Variants in IQCH observed in about 807,000 individuals in gnomAD.
IQCH encodes IQ domain-containing protein H.
A neutral mutation model predicts 117.0 loss-of-function variants in IQCH; 98 were observed. The observed-to-expected ratio is 0.84, with a 90% CI of 0.71 to 0.99. The LOEUF is 0.99. IQCH is among the 50% of genes least tolerant of loss of function. IQCH has a pLI of 0.00. For synonymous variants in IQCH, 412 were observed against 448.2 expected (o/e 0.92, Z 1.02); for missense variants, 1,102 against 1,243.8 (o/e 0.89, Z 1.72).
intron 4 of IQCH, among the ~76,000 whole-genome samples, chr15:67,335,161 T>C (rs758164034): frequency 2.0e-5 from 3 of 152,176 alleles, no homozygotes; most frequent in South Asian, 4.1e-4. Flanking sequence ...TTGATGCAAT[T>C]GAAAGAATTA....
At chr15:67,306,767 T>C (rs1967318853) in intron 4 of IQCH, 4 of 1,195,818 alleles carry the variant, frequency 3.3e-6, no homozygotes, top group African/African-American at 3.0e-5. Flanking sequence ...CACTGGTGAT[T>C]TTTTCAATAT....
At position 67,326,054 on chromosome 15, in the gene IQCH, T is replaced by C. The variant is rs184818363; in HGVS notation, c.388-10921T>C. Reference sequence around the variant, plus strand: ...CATGTGTGTGCGTGTGCCATGTTGGTGTGCTGCACCCATTAACTCGTCATT... The same window carrying C: ...CATGTGTGTGCGTGTGCCATGTTGGCGTGCTGCACCCATTAACTCGTCATT... On this transcript the variant is annotated intron_variant, in intron 4 of 20. Coordinates refer to ENST00000335894, the MANE Select transcript of IQCH (RefSeq NM_001031715.3). Among the ~76,000 whole-genome samples, 19 of 152,330 alleles carry C rather than the reference T, an allele frequency of 1.2e-4. No homozygotes were observed. In the East Asian group the frequency reaches 3.7e-3, roughly 29 times the overall value.
In IQCH at chr15:67,479,319, A is replaced by T. The variant is rs1217724013; in HGVS notation, c.2799+3501A>T. Among the ~76,000 whole-genome samples, 1 of 152,212 alleles carries T rather than the reference A, an allele frequency of 6.6e-6. No individual in the cohort carries two copies. Among genetic ancestry groups the T allele is most frequent in the East Asian group, 1.9e-4 (1 of 5,200 alleles). On this transcript the variant is annotated intron_variant, in intron 18 of 20. Coordinates refer to ENST00000335894, the MANE Select transcript of IQCH (RefSeq NM_001031715.3). This position sits in a 1 kb window ranked among gnomAD's most constrained non-coding sequence, Gnocchi z 4.6. ...ATTTTCCCAGGGTCATACAGCCAGGAATTTTGTGGAACTGACATTTGAACC... is the reference window on the plus strand; with the variant it reads ...ATTTTCCCAGGGTCATACAGCCAGGTATTTTGTGGAACTGACATTTGAACC...
Position 67,447,088 on chromosome 15 carries a change from G to A in IQCH, c.2506-18039G>A, listed in dbSNP as rs550194487. On this transcript the variant is annotated intron_variant, in intron 16 of 20. Coordinates refer to ENST00000335894, the MANE Select transcript of IQCH (RefSeq NM_001031715.3). This position sits in a 1 kb window ranked among gnomAD's most constrained non-coding sequence, Gnocchi z 5.3. ...TAGGCAAACCTGGATCTTTGTCCTC[G>A]CCCTGCCGCTGAGCTGTGGAACTTG... 2.6e-5 allele frequency among the ~76,000 whole-genome samples: 4 copies of A among 152,266 alleles called. No individual in the cohort carries two copies. The highest frequency in any genetic ancestry group is 4.2e-4 in the South Asian group (2 of 4,818).
intron 5 of IQCH, 93 bp downstream of exon 5, chr15:67,337,188 G>T: frequency 1.4e-6 from 2 of 1,418,354 alleles, no homozygotes; most frequent in Non-Finnish European, 1.9e-6. Flanking sequence ...CTCTGGCTCA[G>T]CCACTAATTC....
intron 13 of IQCH, among the ~76,000 whole-genome samples, chr15:67,397,978 C>T (rs1020090954): frequency 1.3e-5 from 2 of 152,054 alleles, no homozygotes; most frequent in African/African-American, 4.8e-5. Flanking sequence ...TATTTTAAAG[C>T]ACTGTTCAAT....
At chr15:67,488,717 G>A (rs147490567) in intron 18 of IQCH, among the ~76,000 whole-genome samples, 1 of 152,264 alleles carries the variant, frequency 6.6e-6, no homozygotes, top group East Asian at 1.9e-4. Context: ...AGATCATCAG[G>A]CATCAGTTAG....
Position 67,430,414 on chromosome 15 carries a change from CAA to C in IQCH, c.2505+8838_2505+8839del, listed in dbSNP as rs1468028320. The C allele has an allele frequency of 6.6e-6, 1 of 152,168 alleles. No individual in the cohort carries two copies. Among genetic ancestry groups the C allele is most frequent in the Non-Finnish European group, 1.5e-5 (1 of 68,022 alleles). The allele number at this position is 152,168 out of a possible 1,614,324, so 9.4% of individuals were successfully genotyped here. A position where few individuals can be genotyped will look rare whatever the true frequency, so the allele number is the denominator to read the frequency against. On this transcript the variant is annotated intron_variant, in intron 16 of 20. Transcript: ENST00000335894. The surrounding 1 kb of genome is among the most constrained non-coding windows in gnomAD (Gnocchi z 5.1). ...TCCTGTTAGGTGCTGTGGAAATAAA[CAA>C]GACATCTTCTGTATCATGACAAAGC...
chr15:67,448,155 C>CTG (rs1491456767), intron 16 of IQCH, among the ~76,000 whole-genome samples: 28 of 35,788 alleles, frequency 7.8e-4, no homozygotes, highest in Non-Finnish European at 1.6e-3. Context: ...TCCTAAGTGA[C>CTG]TCTGTGTGTG....
At position 67,344,048 on chromosome 15, in the gene IQCH, A is replaced by G. The variant is rs1227936045; in HGVS notation, c.509-15A>G. The G allele has an allele frequency of 2.7e-5, 44 of 1,607,564 alleles. No homozygotes were observed. The highest frequency in any genetic ancestry group is 3.4e-5 in the Admixed American group (2 of 59,336). On this transcript the variant is annotated splice_polypyrimidine_tract_variant and intron_variant, in intron 5 of 20. Coordinates refer to ENST00000335894, the MANE Select transcript of IQCH (RefSeq NM_001031715.3). The stretch of plus-strand genomic sequence containing the variant: ...CTTGGAATTAAACTCACATTTTATT[A>G]ATGTTTCTTTTTAGGGATTTTAAGT...
chr15:67,307,973 G>C (rs1387914199), intron 4 of IQCH, among the ~76,000 whole-genome samples: 2 of 152,176 alleles, frequency 1.3e-5, no homozygotes, highest in African/African-American at 4.8e-5. Flanking sequence ...TAGGGGTGCA[G>C]TTGAGGCAGA....
intron 16 of IQCH, among the ~76,000 whole-genome samples, chr15:67,449,070 TG>T (rs1468464710): frequency 5.7e-4 from 2 of 3,518 alleles, no homozygotes; most frequent in African/African-American, 2.0e-3. Context: ...TTGATGGGGT[TG>T]TTTGTTTTTT....
At position 67,395,509 on chromosome 15, in the gene IQCH, C is replaced by T; in HGVS notation, c.1851C>T (p.Asp617=). 6.2e-7 allele frequency: 1 copy of T among 1,613,998 alleles called. No individual in the cohort carries two copies. The highest frequency in any genetic ancestry group is 1.1e-5 in the South Asian group (1 of 91,070). ...AATCTGGAGGCAAACGTGTCTTTGA[C>T]AGTGCCAATGTGGCAGTTCCTCCTG... ...STKSGGKRVF[D]SANVAVPPGI... is the part of the protein sequence containing the mutation. Residue 617 remains aspartate, a synonymous_variant, in exon 13 of 21, where the codon GAC becomes GAT. Transcript: ENST00000335894. This position sits in a 1 kb window ranked among gnomAD's most constrained non-coding sequence, Gnocchi z 4.0.
intron 16 of IQCH, among the ~76,000 whole-genome samples, chr15:67,461,272 G>T (rs59577042): frequency 0.015 from 2,338 of 152,332 alleles, 66 homozygotes; most frequent in African/African-American, 0.054. Context: ...TGGCACGGAG[G>T]AGGTGCTCAG....
rs144473178 is a variant in IQCH at position 67,427,414 on chromosome 15, C to T, written c.2505+5837C>T. Among the ~76,000 whole-genome samples the T allele has an allele frequency of 0.015, 2,350 of 152,160 alleles. 66 individuals are homozygous for T. Among genetic ancestry groups the T allele is most frequent in the African/African-American group, 0.054 (2,236 of 41,520 alleles). On this transcript the variant is annotated intron_variant, in intron 16 of 20. Transcript: ENST00000335894. This position sits in a 1 kb window ranked among gnomAD's most constrained non-coding sequence, Gnocchi z 4.7. ...TTTTTTTTGTAGAGATAGGGTCTCACTATGTTGCCCAGGCTGGTTTTGAAC... is the reference window on the plus strand; with the variant it reads ...TTTTTTTTGTAGAGATAGGGTCTCATTATGTTGCCCAGGCTGGTTTTGAAC...
At chr15:67,353,361 TA>T (rs1244164624) in intron 6 of IQCH, among the ~76,000 whole-genome samples, 16 of 70,008 alleles carry the variant, frequency 2.3e-4, no homozygotes, top group African/African-American at 4.2e-4. Context: ...TATATTTATT[TA>T]TTTTTTTTTT....
chr15:67,337,049 T>A lies in IQCH; in HGVS notation c.462T>A (p.Asp154Glu). 1 of 1,613,658 alleles carries A rather than the reference T, an allele frequency of 6.2e-7. No homozygotes were observed. The highest frequency in any genetic ancestry group is 1.1e-5 in the South Asian group (1 of 91,056). ...LTVLPSSHCT[D>E]PYFTPIPVLQ... ...TTCTGCCATCTTCTCATTGCACAGA[T>A]CCCTATTTCACTCCTATACCAGTCT... is the stretch of plus-strand genomic sequence containing the variant. Residue 154 changes from aspartate (D) to glutamate (E), a missense_variant, in exon 5 of 21, where the codon GAT becomes GAA. Transcript: ENST00000335894.
At chr15:67,480,981 T>C (rs546468728) in intron 18 of IQCH, among the ~76,000 whole-genome samples, 2 of 152,150 alleles carry the variant, frequency 1.3e-5, no homozygotes, top group East Asian at 1.9e-4. Context: ...TTTGGCACTT[T>C]GCAAAATGGG....
chr15:67,390,932 C>T lies in IQCH; in HGVS notation c.1632+1926C>T, dbSNP rs529648374. Among the ~76,000 whole-genome samples, 1 of 152,356 alleles carries T rather than the reference C, an allele frequency of 6.6e-6. No homozygotes were observed. Among genetic ancestry groups the T allele is most frequent in the African/African-American group, 2.4e-5 (1 of 41,586 alleles). On this transcript the variant is annotated intron_variant, in intron 12 of 20. Transcript: ENST00000335894. The surrounding 1 kb of genome is among the most constrained non-coding windows in gnomAD (Gnocchi z 5.0). ...GGCCAGAGTGTGAACCAAAATCTCT[C>T]TACCGCAGAGCAGTATCATGAGTTG... is the stretch of plus-strand genomic sequence containing the variant.
Sources: allele counts gnomAD v4.1 joint callset (sites outside exome capture counted in the v4.1 genomes callset), GRCh38; gene constraint gnomAD v4.1.1; non-coding constraint Gnocchi (gnomAD v3.1); transcripts MANE v1.5; gene names NCBI Gene and HGNC (gene_info 2026-07-23, HGNC 2026-07-21).